GRM3: variants seen among roughly 807,000 people sequenced by gnomAD.
The protein encoded by GRM3 is glutamate metabotropic receptor 3.
In GRM3, 26 loss-of-function variants were observed where a neutral mutation model predicts 70.5. The ratio of observed to expected loss-of-function variants is 0.37; its 90% CI spans 0.27 to 0.51. The LOEUF is 0.51. Ranked by LOEUF, GRM3 falls within the 20% of genes least tolerant of loss-of-function variation. The pLI, the probability that GRM3 is intolerant of heterozygous loss-of-function variation, is 0.93. For synonymous variants in GRM3, 443 were observed against 434.9 expected, an observed-to-expected ratio of 1.02 and a Z score of -0.23; for missense variants, 859 against 1,123.8, an observed-to-expected ratio of 0.76 and a Z score of 3.37.
At chr7:86,763,400 G>C (rs1584223082) in intron 1 of GRM3, among the ~76,000 whole-genome samples, 1 of 152,222 alleles carries the variant, frequency 6.6e-6, no homozygotes, top group African/African-American at 2.4e-5. Context: ...AAGTAAGCAG[G>C]CTGTGTGAAT....
At chr7:86,712,823 A>G (rs1354193022) in intron 1 of GRM3, among the ~76,000 whole-genome samples, 1 of 152,108 alleles carries the variant, frequency 6.6e-6, no homozygotes, top group Admixed American at 6.6e-5. Context: ...TCATTATTTT[A>G]TATGCCTGAA....
At chr7:86,738,554 T>C (rs1795915707) in intron 1 of GRM3, among the ~76,000 whole-genome samples, 1 of 152,186 alleles carries the variant, frequency 6.6e-6, no homozygotes, top group Non-Finnish European at 1.5e-5. Context: ...TTCCTCATGT[T>C]ACAAATGAGG....
rs141861721 is a variant in GRM3 at position 86,774,023 on chromosome 7, G to C, written c.468+8410G>C. Among the ~76,000 whole-genome samples the C allele has an allele frequency of 5.2e-3, 792 of 152,214 alleles. 4 individuals are homozygous for C. The highest frequency in any genetic ancestry group is 0.018 in the African/African-American group (754 of 41,542). On this transcript the variant is annotated intron_variant, in intron 2 of 5. Coordinates refer to ENST00000361669, the MANE Select transcript of GRM3 (RefSeq NM_000840.3). ...AAGCAAAGAATACAGACATTCCTAAGATAGCAGCAGTGTTTTATGCTATGA... is the reference window on the plus strand; with the variant it reads ...AAGCAAAGAATACAGACATTCCTAACATAGCAGCAGTGTTTTATGCTATGA...
chr7:86,792,724 C>T (rs1797449792), intron 3 of GRM3, among the ~76,000 whole-genome samples: 1 of 152,176 alleles, frequency 6.6e-6, no homozygotes, highest in Non-Finnish European at 1.5e-5. Context: ...CCACCAAAAA[C>T]AATTCTAAAG....
intron 4 of GRM3, among the ~76,000 whole-genome samples, chr7:86,843,297 T>A (rs911199197): frequency 6.6e-6 from 1 of 152,178 alleles, no homozygotes. Context: ...GGCACAGTTA[T>A]GAAATAGTAG....
chr7:86,688,066 T>TA lies in GRM3; in HGVS notation c.-141+43202dup, dbSNP rs890982156. Among the ~76,000 whole-genome samples, 175 of 151,554 alleles carry TA rather than the reference T, an allele frequency of 1.2e-3. 1 individual carries two copies. Among genetic ancestry groups the TA allele is most frequent in the African/African-American group, 3.9e-3 (161 of 41,484 alleles). On this transcript the variant is annotated intron_variant, in intron 1 of 5. Transcript: ENST00000361669. Reference sequence around the variant, plus strand: ...AAGTAAATGGAGTCAACTCTCAAAATAAAAAAAATCTGCATTTCACTCTGT... The same window carrying TA: ...AAGTAAATGGAGTCAACTCTCAAAATAAAAAAAAATCTGCATTTCACTCTGT...
chr7:86,749,302 G>A lies in GRM3; in HGVS notation c.-140-15704G>A, dbSNP rs568960630. 4.6e-5 allele frequency among the ~76,000 whole-genome samples: 7 copies of A among 152,108 alleles called. No individual in the cohort carries two copies. In the South Asian group the frequency reaches 1.0e-3, roughly 23 times the overall value. On this transcript the variant is annotated intron_variant, in intron 1 of 5. Transcript: ENST00000361669. ...GGTCCTATAAAGTGGCAGCCCTCCC[G>A]TGGTGAAATGGGTTACTTGTAGGCT... is the stretch of plus-strand genomic sequence containing the variant.
Position 86,765,568 on chromosome 7 carries a change from C to T in GRM3, c.423C>T (p.Leu141=), listed in dbSNP as rs745815102. 3 of 1,613,494 alleles carry T rather than the reference C, an allele frequency of 1.9e-6. No individual in the cohort carries two copies. The highest frequency in any genetic ancestry group is 2.5e-6 in the Non-Finnish European group (3 of 1,179,646). The part of the protein sequence containing the change: ...SYAIQENIPL[L]IAGVIGGSYS... The stretch of plus-strand genomic sequence containing the variant: ...CCATTCAAGAAAACATCCCACTTCT[C>T]ATTGCAGGGGTCATTGGTGGCTCTT... The change falls in exon 2 of 6, where the codon CTC becomes CTT. Residue 141 remains leucine (L), a synonymous_variant. Transcript: ENST00000361669.
intron 1 of GRM3, among the ~76,000 whole-genome samples, chr7:86,673,784 C>T (rs896032776): frequency 7.2e-5 from 11 of 152,272 alleles, no homozygotes; most frequent in African/African-American, 2.6e-4. Context: ...CAGCAACACT[C>T]TTACCCTGGT....
At chr7:86,694,250 G>A (rs1167673538) in intron 1 of GRM3, among the ~76,000 whole-genome samples, 1 of 152,120 alleles carries the variant, frequency 6.6e-6, no homozygotes, top group Admixed American at 6.5e-5. Context: ...GAAAGGCCGG[G>A]CGTGGTGGCT....
intron 1 of GRM3, among the ~76,000 whole-genome samples, chr7:86,671,032 G>T (rs1196663562): frequency 6.6e-6 from 1 of 152,054 alleles, no homozygotes; most frequent in African/African-American, 2.4e-5. Flanking sequence ...ACTGAAATAT[G>T]AAACACATTT....
chr7:86,753,268 T>C (rs1264516500), intron 1 of GRM3, among the ~76,000 whole-genome samples: 1 of 152,160 alleles, frequency 6.6e-6, no homozygotes, highest in East Asian at 1.9e-4. Flanking sequence ...GCTAATGTTA[T>C]GTTTTGTTTC....
At chr7:86,720,983 G>A (rs977204616) in intron 1 of GRM3, among the ~76,000 whole-genome samples, 1 of 152,008 alleles carries the variant, frequency 6.6e-6, no homozygotes, top group South Asian at 2.1e-4. Flanking sequence ...AAATAAGCAA[G>A]GTAACAGGAG....
At chr7:86,824,163 G>T (rs550013942) in intron 3 of GRM3, among the ~76,000 whole-genome samples, 11 of 152,290 alleles carry the variant, frequency 7.2e-5, no homozygotes, top group Non-Finnish European at 1.3e-4. Flanking sequence ...GCCCATTAGG[G>T]AGGAAGGTTC....
At chr7:86,775,375 C>T (rs1327638946) in intron 2 of GRM3, 1 of 151,966 alleles carries the variant, frequency 6.6e-6, no homozygotes, top group Admixed American at 6.6e-5. Context: ...TTTTAAAGCT[C>T]CAATCTTTAT....
At chr7:86,749,452 C>T (rs373334280) in intron 1 of GRM3, among the ~76,000 whole-genome samples, 9 of 152,132 alleles carry the variant, frequency 5.9e-5, no homozygotes, top group East Asian at 5.8e-4. Context: ...GTATGCTAAA[C>T]GGCAAAGTGT....
chr7:86,689,909 A>G (rs898397215), intron 1 of GRM3, among the ~76,000 whole-genome samples: 7 of 152,180 alleles, frequency 4.6e-5, no homozygotes, highest in African/African-American at 1.7e-4. Context: ...TTGTAATAAT[A>G]TCATTATGGA....
intron 1 of GRM3, among the ~76,000 whole-genome samples, chr7:86,699,161 T>C (rs1308055525): frequency 6.6e-6 from 1 of 152,082 alleles, no homozygotes. Flanking sequence ...TAGGGAAGAT[T>C]GAAATCCAGA....
chr7:86,720,072 G>GATCAGTT (rs1795420869), intron 1 of GRM3, among the ~76,000 whole-genome samples: 1 of 152,058 alleles, frequency 6.6e-6, no homozygotes, highest in African/African-American at 2.4e-5. Flanking sequence ...CATGGAAAGA[G>GATCAGTT]ATCAGTTATC....
Sources: gnomAD v4.1 joint callset for allele counts (sites outside exome capture counted in the v4.1 genomes callset) on GRCh38, gnomAD v4.1.1 for gene constraint, MANE v1.5 for transcripts, NCBI Gene and HGNC (gene_info 2026-07-23, HGNC 2026-07-21) for gene names.